Variants in REEP5 observed in about 807,000 individuals in gnomAD.
REEP5 encodes the protein receptor accessory protein 5.
In REEP5, 24 loss-of-function variants were observed where a neutral mutation model predicts 22.4. The ratio of observed to expected loss-of-function variants is 1.07; its 90% CI spans 0.78 to 1.51. REEP5 has a LOEUF of 1.51. Among genes scored for constraint, REEP5 ranks in the 40% most tolerant of loss-of-function variants. The pLI, the probability that REEP5 is intolerant of heterozygous loss-of-function variation, is 0.00. For missense variants in REEP5, 252 were observed against 233.0 expected, an observed-to-expected ratio of 1.08 and a Z score of -0.53; for synonymous variants, 103 against 88.6, an observed-to-expected ratio of 1.16 and a Z score of -0.92.
chr5:112,886,878 T>G, intron 4 of REEP5, 137 bp downstream of exon 4: 9 of 594,092 alleles, frequency 1.5e-5, no homozygotes, highest in South Asian at 3.0e-5. Flanking sequence ...GCAAAGACTT[T>G]GTAAAGAAAT....
chr5:112,918,804 G>A (rs905360122), intron 2 of REEP5, among the ~76,000 whole-genome samples: 3 of 152,112 alleles, frequency 2.0e-5, no homozygotes, highest in African/African-American at 7.2e-5. Context: ...GAGCTAAGCT[G>A]TGTGCTGCCT....
rs1224201264 is a variant in REEP5 at position 112,877,292 on chromosome 5, T to TAATC, written c.*1490_*1493dup. The TAATC allele has an allele frequency of 6.6e-6, 1 of 152,346 alleles. No homozygotes were observed. The highest frequency in any genetic ancestry group is 6.5e-5 in the Admixed American group (1 of 15,304). 9.4% of individuals were successfully genotyped at this position (152,346 alleles called of 1,614,324 possible). On this transcript the variant is annotated 3_prime_UTR_variant, in exon 5 of 5. Transcript: ENST00000379638. ...ACCTGATTGTTATCTCAAGGTGAGC[T>TAATC]AATCATCTTTATTTGCCTTAAAAAA...
At chr5:112,917,773 T>A (rs1769262656) in intron 2 of REEP5, among the ~76,000 whole-genome samples, 1 of 152,226 alleles carries the variant, frequency 6.6e-6, no homozygotes, top group South Asian at 2.1e-4. Context: ...TATTGTATGA[T>A]TCCGTCTACA....
At chr5:112,911,988 CA>C (rs1300096934) in intron 2 of REEP5, among the ~76,000 whole-genome samples, 2 of 152,094 alleles carry the variant, frequency 1.3e-5, no homozygotes, top group Non-Finnish European at 2.9e-5. Context: ...CTTAATGACA[CA>C]AAGTTAAAGA....
At chr5:112,904,980 C>T (rs1768923399) in intron 2 of REEP5, among the ~76,000 whole-genome samples, 1 of 152,024 alleles carries the variant, frequency 6.6e-6, no homozygotes, top group African/African-American at 2.4e-5. Flanking sequence ...AAAACCAAGG[C>T]ATATGAAAGA....
Position 112,877,932 on chromosome 5 carries a change from A to G in REEP5, c.*854T>C, listed in dbSNP as rs573778331. On this transcript the variant is annotated 3_prime_UTR_variant, in exon 5 of 5. Transcript: ENST00000379638. ...GACAAATATGTAAAGTTTATAGCAGATAAGACAGTATTACTAGTTTTTCAG... is the reference window on the plus strand; with the variant it reads ...GACAAATATGTAAAGTTTATAGCAGGTAAGACAGTATTACTAGTTTTTCAG... The G allele has an allele frequency of 6.6e-6, 1 of 152,224 alleles. No homozygotes were observed. The highest frequency in any genetic ancestry group is 2.1e-4 in the South Asian group (1 of 4,822). The allele number at this position is 152,224 out of a possible 1,614,324, so 9.4% of individuals were successfully genotyped here.
At chr5:112,910,633 C>G (rs915981005) in intron 2 of REEP5, among the ~76,000 whole-genome samples, 14 of 152,164 alleles carry the variant, frequency 9.2e-5, no homozygotes, top group South Asian at 8.3e-4. Flanking sequence ...AAATTTATAT[C>G]TGCAGCTCAA....
intron 4 of REEP5, among the ~76,000 whole-genome samples, chr5:112,879,746 G>C (rs1327781175): frequency 6.6e-6 from 1 of 151,960 alleles, no homozygotes; most frequent in African/African-American, 2.4e-5. Flanking sequence ...AAAGTGCTGG[G>C]ATTACAGACG....
Position 112,878,580 on chromosome 5 carries a change from C to A in REEP5, c.*206G>T. 1 of 648,134 alleles carries A rather than the reference C, an allele frequency of 1.5e-6. No homozygotes were observed. Among genetic ancestry groups the A allele is most frequent in the Non-Finnish European group, 2.5e-6 (1 of 404,518 alleles). The allele number at this position is 648,134 out of a possible 1,614,324, so 40.1% of individuals were successfully genotyped here. ...AATACATTTTCCAAAAACGTGGACA[C>A]TGCCCACTGCATTAAGTTTAAAGTG... On this transcript the variant is annotated 3_prime_UTR_variant, in exon 5 of 5. Coordinates refer to ENST00000379638, the MANE Select transcript of REEP5 (RefSeq NM_005669.5).
At chr5:112,919,056 T>A in intron 2 of REEP5, among the ~76,000 whole-genome samples, 1 of 152,206 alleles carries the variant, frequency 6.6e-6, no homozygotes, top group East Asian at 1.9e-4. Flanking sequence ...TGGCATTTGA[T>A]TTTTGCTAAA....
At chr5:112,879,970 A>C (rs1242158698) in intron 4 of REEP5, among the ~76,000 whole-genome samples, 1 of 152,078 alleles carries the variant, frequency 6.6e-6, no homozygotes, top group Admixed American at 6.5e-5. Flanking sequence ...AAAGTACCTA[A>C]TGCAACATGA....
intron 3 of REEP5, chr5:112,892,174 T>C (rs985272280): frequency 4.3e-6 from 7 of 1,614,088 alleles, no homozygotes; most frequent in Non-Finnish European, 5.9e-6. Flanking sequence ...TAATTGTCCC[T>C]TCTACAGTAA....
At chr5:112,905,260 G>A (rs553163710) in intron 2 of REEP5, among the ~76,000 whole-genome samples, 2 of 152,262 alleles carry the variant, frequency 1.3e-5, no homozygotes, top group African/African-American at 4.8e-5. Flanking sequence ...GAGGTTTCTG[G>A]CCGGGCACAA....
chr5:112,890,990 G>A (rs1211935215), intron 3 of REEP5, among the ~76,000 whole-genome samples: 1 of 150,752 alleles, frequency 6.6e-6, no homozygotes, highest in Non-Finnish European at 1.5e-5. Context: ...CAACATCTAT[G>A]AAACATTACT....
intron 3 of REEP5, chr5:112,893,376 C>T (rs1460721088): frequency 9.9e-6 from 2 of 202,162 alleles, no homozygotes; most frequent in African/African-American, 4.7e-5. Context: ...TGCCACTTCA[C>T]TCCAGCCTGG....
chr5:112,922,086 G>A lies in REEP5; in HGVS notation c.105C>T (p.Ser35=), dbSNP rs770678206. 1.9e-6 allele frequency: 3 copies of A among 1,602,652 alleles called. No individual in the cohort carries two copies. Among genetic ancestry groups the A allele is most frequent in the Admixed American group, 3.4e-5 (2 of 58,580 alleles). Reference sequence around the variant, plus strand: ...CCGGCCACCCACCAAGAGCGATGAAGCTCCTGTTCACGCCGGTTTTGGCCT... The same window carrying A: ...CCGGCCACCCACCAAGAGCGATGAAACTCCTGTTCACGCCGGTTTTGGCCT... ...KLEAKTGVNR[S]FIALGVIGLV... is the part of the protein sequence containing the mutation. The change falls in exon 1 of 5, where the codon AGC becomes AGT. Residue 35 remains serine, a synonymous_variant. Coordinates refer to ENST00000379638, the MANE Select transcript of REEP5 (RefSeq NM_005669.5).
At position 112,881,486 on chromosome 5, in the gene REEP5, C is replaced by T. The variant is rs145760128; in HGVS notation, c.521-2651G>A. Among the ~76,000 whole-genome samples the T allele has an allele frequency of 4.4e-3, 673 of 152,274 alleles. 6 individuals carry two copies. Among genetic ancestry groups the T allele is most frequent in the African/African-American group, 0.016 (653 of 41,564 alleles). On this transcript the variant is annotated intron_variant, in intron 4 of 4. Transcript: ENST00000379638. Reference sequence around the variant, plus strand: ...AAATCTATATCCTCATCCATTCCTCCGAATGTTTCCTTTACCTTCTTGCTC... The same window carrying T: ...AAATCTATATCCTCATCCATTCCTCTGAATGTTTCCTTTACCTTCTTGCTC...
At chr5:112,899,959 A>G (rs936171362) in intron 3 of REEP5, among the ~76,000 whole-genome samples, 2 of 152,188 alleles carry the variant, frequency 1.3e-5, no homozygotes, top group African/African-American at 2.4e-5. Context: ...GTTTTAAAGC[A>G]TTTAGGATTT....
chr5:112,915,107 T>G (rs1050452277), intron 2 of REEP5, among the ~76,000 whole-genome samples: 4 of 152,084 alleles, frequency 2.6e-5, no homozygotes, highest in African/African-American at 7.2e-5. Context: ...TGAGTCCTCA[T>G]TCAAAGTCAG....
Sources: gnomAD v4.1 joint callset for allele counts (sites outside exome capture counted in the v4.1 genomes callset) on GRCh38, gnomAD v4.1.1 for gene constraint, MANE v1.5 for transcripts, NCBI Gene and HGNC (gene_info 2026-07-23, HGNC 2026-07-21) for gene names.